TNS1: variants seen among roughly 807,000 people sequenced by gnomAD.
The protein encoded by TNS1 is tensin-1.
A neutral mutation model predicts 168.6 loss-of-function variants in TNS1; 62 were observed. The observed-to-expected ratio is 0.37, with a 90% confidence interval of 0.30 to 0.45. TNS1 has a LOEUF of 0.45. TNS1 is among the 20% of genes least tolerant of loss of function. The probability of loss-of-function intolerance (pLI) is 1.00; values close to 1 mark genes in which losing one functional copy is unlikely to be tolerated. For synonymous variants in TNS1, 934 were observed against 933.2 expected, an observed-to-expected ratio of 1.00 and a Z score of -0.02; for missense variants, 2,240 against 2,339.4, an observed-to-expected ratio of 0.96 and a Z score of 0.88.
intron 3 of TNS1, among the ~76,000 whole-genome samples, chr2:217,964,965 C>T (rs1411575251): frequency 6.6e-6 from 1 of 152,200 alleles, no homozygotes; most frequent in Non-Finnish European, 1.5e-5. Flanking sequence ...GAGCCAGAAC[C>T]CCCAGAGAGA....
chr2:217,920,563 ATTTTT>A (rs35026780), intron 3 of TNS1, among the ~76,000 whole-genome samples: 1 of 135,918 alleles, frequency 7.4e-6, no homozygotes. Context: ...AAGAAGAAGG[ATTTTT>A]TTTTTTTTTT....
chr2:217,994,269 G>A (rs1405421515), intron 1 of TNS1, among the ~76,000 whole-genome samples: 1 of 152,086 alleles, frequency 6.6e-6, no homozygotes, highest in Admixed American at 6.6e-5. Flanking sequence ...GGACTTGGGG[G>A]ACTTCCCTTA....
At chr2:217,838,559 C>A (rs1024772894) in intron 19 of TNS1, among the ~76,000 whole-genome samples, 2 of 152,240 alleles carry the variant, frequency 1.3e-5, no homozygotes, top group Non-Finnish European at 1.5e-5. Context: ...CCTCCCTCTG[C>A]GGAAGGGTAA....
At chr2:217,864,838 A>G (rs914188924) in intron 18 of TNS1, among the ~76,000 whole-genome samples, 2 of 152,208 alleles carry the variant, frequency 1.3e-5, no homozygotes, top group Non-Finnish European at 2.9e-5. Flanking sequence ...GCATCCACAT[A>G]TAAGTTGGGT....
intron 18 of TNS1, among the ~76,000 whole-genome samples, chr2:217,850,948 G>A (rs1228244918): frequency 6.6e-6 from 1 of 152,090 alleles, no homozygotes; most frequent in Non-Finnish European, 1.5e-5. Context: ...TCTAGCCATC[G>A]CCTCCGAGCC....
intron 32 of TNS1, 41 bp from the exon 33 acceptor site, chr2:217,804,644 G>C: frequency 2.5e-6 from 4 of 1,611,156 alleles, no homozygotes; most frequent in Non-Finnish European, 2.5e-6. Context: ...GGAAGGGCAA[G>C]TGGAACCCCA....
At chr2:217,935,181 G>A (rs1323767813) in intron 3 of TNS1, among the ~76,000 whole-genome samples, 1 of 152,196 alleles carries the variant, frequency 6.6e-6, no homozygotes, top group East Asian at 1.9e-4. Flanking sequence ...AGGGTGAGGA[G>A]GGGGAGGAAG....
chr2:217,812,089 A>T (rs964698215), intron 28 of TNS1, among the ~76,000 whole-genome samples: 1 of 152,180 alleles, frequency 6.6e-6, no homozygotes, highest in African/African-American at 2.4e-5. Flanking sequence ...CCCTGGGACG[A>T]CGTGGTCTGA....
At chr2:217,910,430 A>G (rs1157995903) in intron 4 of TNS1, among the ~76,000 whole-genome samples, 1 of 151,812 alleles carries the variant, frequency 6.6e-6, no homozygotes, top group African/African-American at 2.4e-5. Flanking sequence ...CCTCCAACCC[A>G]ACTCTCCCAG....
chr2:217,953,862 C>G (rs1384181805), intron 3 of TNS1, among the ~76,000 whole-genome samples: 1 of 152,218 alleles, frequency 6.6e-6, no homozygotes, highest in Admixed American at 6.5e-5. Context: ...ATGGCAAAAG[C>G]AGGTGTGAGG....
intron 25 of TNS1, among the ~76,000 whole-genome samples, chr2:217,814,245 G>A (rs1941493748): frequency 6.6e-6 from 1 of 152,030 alleles, no homozygotes; most frequent in Non-Finnish European, 1.5e-5. Context: ...CGAACTCCTG[G>A]CCCCAAGTGA....
intron 2 of TNS1, among the ~76,000 whole-genome samples, chr2:217,980,117 A>G (rs1046746839): frequency 6.6e-6 from 1 of 152,118 alleles, no homozygotes; most frequent in African/African-American, 2.4e-5. Context: ...GACCTTGGCC[A>G]CTGGCCCTAA....
rs1945923460 is a variant in TNS1, at chr2:217,841,297, CCA to C, written c.3008-5088_3008-5087del. The C allele has an allele frequency of 3.0e-6, 3 of 984,378 alleles. No individual in the cohort carries two copies. The African/African-American group carries it at 5.3e-5, about 17-fold the overall frequency. 61.0% of individuals were successfully genotyped at this position (984,378 alleles called of 1,614,324 possible). A position where few individuals can be genotyped will look rare whatever the true frequency, so the allele number is the denominator to read the frequency against. ...CCTGGCGTTGTACGCTGCCCACCCC[CCA>C]CCCCAGGGGAGCCAGCAGGGAGTGG... is the stretch of plus-strand genomic sequence containing the variant. On this transcript the variant is annotated intron_variant, in intron 19 of 32. Transcript: ENST00000682258.
At chr2:218,012,518 G>T (rs898753955), upstream of TNS1, among the ~76,000 whole-genome samples, 1 of 152,162 alleles carries the variant, frequency 6.6e-6, no homozygotes, top group Non-Finnish European at 1.5e-5. Context: ...CCCAGCATGA[G>T]GTGCCTCAAG....
chr2:218,025,935 C>G (rs1958847084), intron 1 of TNS1, among the ~76,000 whole-genome samples: 1 of 152,194 alleles, frequency 6.6e-6, no homozygotes, highest in South Asian at 2.1e-4. Flanking sequence ...GACGCATCCT[C>G]CAGGCCTCTT....
chr2:217,937,182 C>T (rs1956655390), intron 3 of TNS1: 1 of 216,974 alleles, frequency 4.6e-6, no homozygotes, highest in South Asian at 3.2e-5. Flanking sequence ...CTGTCTACTC[C>T]CCTACTCCCC....
intron 2 of TNS1, among the ~76,000 whole-genome samples, chr2:217,982,861 T>C (rs1958090731): frequency 6.6e-6 from 1 of 152,186 alleles, no homozygotes; most frequent in Non-Finnish European, 1.5e-5. Context: ...TGCTGCTTGG[T>C]GCCTGCAAAC....
Position 217,813,634 on chromosome 2 carries a change from C to T in TNS1, c.4861+51G>A, listed in dbSNP as rs756449038. The T allele has an allele frequency of 1.9e-5, 29 of 1,553,500 alleles. No individual in the cohort carries two copies. The Admixed American group carries it at 4.6e-4, about 25-fold the overall frequency. On this transcript the variant is annotated intron_variant, in intron 26 of 32. Coordinates refer to ENST00000682258, the MANE Select transcript of TNS1 (RefSeq NM_001387777.1). This position sits in a 1 kb window ranked among gnomAD's most constrained non-coding sequence, Gnocchi z 4.0. Reference sequence around the variant, plus strand: ...GTCCCTCCAGCACCTCCAGGTTTAGCGACTGTAAAGCTCACCTGGTCCTGA... The same window carrying T: ...GTCCCTCCAGCACCTCCAGGTTTAGTGACTGTAAAGCTCACCTGGTCCTGA...
At chr2:217,894,963 G>A in intron 9 of TNS1, 43 bp downstream of exon 9, 1 of 1,589,880 alleles carries the variant, frequency 6.3e-7, no homozygotes, top group African/African-American at 1.3e-5. Flanking sequence ...GAGTCCATCT[G>A]TTCTCCTTCT....
Sources: gnomAD v4.1 joint callset for allele counts (sites outside exome capture counted in the v4.1 genomes callset) on GRCh38, gnomAD v4.1.1 for gene constraint, Gnocchi (gnomAD v3.1) non-coding constraint, MANE v1.5 for transcripts, NCBI Gene and HGNC (gene_info 2026-07-23, HGNC 2026-07-21) for gene names.